KCNIP3: variants seen among roughly 807,000 people sequenced by gnomAD.
The protein encoded by KCNIP3 is potassium voltage-gated channel interacting protein 3, also known as calsenilin.
A neutral mutation model predicts 35.0 loss-of-function variants in KCNIP3; 28 were observed. The ratio of observed to expected loss-of-function variants is 0.80; its 90% CI spans 0.59 to 1.10. The LOEUF is 1.10. Among genes scored for constraint, KCNIP3 ranks in the 50% least tolerant of loss-of-function variants. The pLI is 0.00. For missense variants in KCNIP3, 295 were observed against 338.4 expected, an observed-to-expected ratio of 0.87 and a Z score of 1.01; for synonymous variants, 134 against 133.8, an observed-to-expected ratio of 1.00 and a Z score of -0.01.
chr2:95,305,296 T>G (rs1445407856), intron 1 of KCNIP3, among the ~76,000 whole-genome samples: 2 of 152,208 alleles, frequency 1.3e-5, no homozygotes, highest in East Asian at 3.8e-4. Flanking sequence ...TAACACCTTC[T>G]TTTTGGGTGC....
chr2:95,318,317 A>G (rs2104222102), intron 2 of KCNIP3, among the ~76,000 whole-genome samples: 1 of 152,308 alleles, frequency 6.6e-6, no homozygotes, highest in African/African-American at 2.4e-5. Context: ...TCGACCGCCC[A>G]GGCCCTCCCC....
chr2:95,300,510 G>A (rs1475005783), intron 1 of KCNIP3, among the ~76,000 whole-genome samples: 4 of 152,234 alleles, frequency 2.6e-5, no homozygotes, highest in Admixed American at 1.3e-4. Context: ...AAGCAGAAGA[G>A]GGGAGAGAAG....
chr2:95,371,113 T>C (rs1680032241), intron 2 of KCNIP3, among the ~76,000 whole-genome samples: 1 of 152,214 alleles, frequency 6.6e-6, no homozygotes, highest in African/African-American at 2.4e-5. Context: ...CTTTCTTCTA[T>C]TTACTTTGAA....
At chr2:95,301,959 ACAACCTCGGCTCCCCCGACAAGG>A (rs1192312009) in intron 1 of KCNIP3, among the ~76,000 whole-genome samples, 1 of 152,048 alleles carries the variant, frequency 6.6e-6, no homozygotes, top group African/African-American at 2.4e-5. Flanking sequence ...GGGACTCATG[ACAACCTCGGCTCCCCCGACAAGG>A]CGAGCTGCCT....
intron 2 of KCNIP3, among the ~76,000 whole-genome samples, chr2:95,321,241 G>A (rs1338088802): frequency 6.6e-6 from 1 of 152,208 alleles, no homozygotes; most frequent in Non-Finnish European, 1.5e-5. Context: ...AGTGTGGCCT[G>A]CAGAGCTGGT....
chr2:95,326,869 C>G (rs1302835100), intron 2 of KCNIP3, among the ~76,000 whole-genome samples: 3 of 152,246 alleles, frequency 2.0e-5, no homozygotes, highest in Non-Finnish European at 4.4e-5. Context: ...TCCCCTCGCC[C>G]TGCCCTTCCT....
At chr2:95,337,688 T>G (rs1214644264) in intron 2 of KCNIP3, among the ~76,000 whole-genome samples, 1 of 152,232 alleles carries the variant, frequency 6.6e-6, no homozygotes, top group Non-Finnish European at 1.5e-5. Flanking sequence ...CATTGAGTGA[T>G]GTTGAGGCTA....
intron 8 of KCNIP3, 137 bp downstream of exon 8, chr2:95,383,431 G>A: frequency 1.2e-6 from 1 of 860,942 alleles, no homozygotes; most frequent in Non-Finnish European, 1.8e-6. Flanking sequence ...TTGGCCCCTT[G>A]CCACCTCCTG....
At chr2:95,340,830 G>A (rs1679178794) in intron 2 of KCNIP3, among the ~76,000 whole-genome samples, 1 of 152,208 alleles carries the variant, frequency 6.6e-6, no homozygotes, top group South Asian at 2.1e-4. Flanking sequence ...CCAGGTTCTT[G>A]CTGATACCAC....
In KCNIP3 at chr2:95,383,193, T is replaced by C. The variant is rs753575469; in HGVS notation, c.661-39T>C. 2.8e-6 allele frequency: 4 copies of C among 1,446,598 alleles called. No homozygotes were observed. The South Asian group carries it at 4.5e-5, about 16-fold the overall frequency. 89.6% of individuals were successfully genotyped at this position (1,446,598 alleles called of 1,614,324 possible). On this transcript the variant is annotated intron_variant, in intron 7 of 8. Transcript: ENST00000295225. ...AGGCCAGGGGCGGGGCTGTCTCTGC[T>C]GGGGCACAGACTCACTTTGGGCATG...
chr2:95,317,868 C>T (rs1465471208), intron 2 of KCNIP3, among the ~76,000 whole-genome samples: 3 of 152,114 alleles, frequency 2.0e-5, no homozygotes, highest in Admixed American at 6.5e-5. Flanking sequence ...GGCCCTGGCC[C>T]GAGGCTGCAG....
At chr2:95,321,673 G>A (rs915462400) in intron 2 of KCNIP3, among the ~76,000 whole-genome samples, 1 of 152,212 alleles carries the variant, frequency 6.6e-6, no homozygotes, top group Non-Finnish European at 1.5e-5. Context: ...GCTCTTTAGA[G>A]AGGGTGGGAA....
intron 1 of KCNIP3, among the ~76,000 whole-genome samples, chr2:95,307,934 C>T (rs1218948376): frequency 6.6e-6 from 1 of 152,244 alleles, no homozygotes; most frequent in Non-Finnish European, 1.5e-5. Context: ...ATAAAGACTC[C>T]TGAATAAGAT....
intron 5 of KCNIP3, 48 bp downstream of exon 5, chr2:95,375,256 G>A: frequency 1.9e-6 from 3 of 1,548,390 alleles, no homozygotes; most frequent in Non-Finnish European, 2.7e-6. Context: ...TGTGGTTGCA[G>A]GAGTGAATCC....
At chr2:95,336,432 T>C (rs1374765264) in intron 2 of KCNIP3, among the ~76,000 whole-genome samples, 1 of 152,244 alleles carries the variant, frequency 6.6e-6, no homozygotes, top group Non-Finnish European at 1.5e-5. Flanking sequence ...ATCTTTTCAT[T>C]TACTTTGTCC....
At chr2:95,370,562 T>G (rs1429195110) in intron 2 of KCNIP3, among the ~76,000 whole-genome samples, 1 of 152,242 alleles carries the variant, frequency 6.6e-6, no homozygotes, top group African/African-American at 2.4e-5. Flanking sequence ...TATCTTTTTT[T>G]GTGACACGTC....
chr2:95,326,270 ACACT>A (rs1457482069), intron 2 of KCNIP3, among the ~76,000 whole-genome samples: 2 of 151,804 alleles, frequency 1.3e-5, no homozygotes, highest in Non-Finnish European at 2.9e-5. Context: ...ACTCACACAT[ACACT>A]CACTACACAT....
At chr2:95,373,421 T>G (rs1218996611) in intron 2 of KCNIP3, among the ~76,000 whole-genome samples, 1 of 134,664 alleles carries the variant, frequency 7.4e-6, no homozygotes, top group African/African-American at 2.8e-5. Context: ...GTGGTTTTTT[T>G]TTTTTTTTTT....
chr2:95,298,158 C>T (rs1052926675), intron 1 of KCNIP3, among the ~76,000 whole-genome samples: 1 of 152,206 alleles, frequency 6.6e-6, no homozygotes, highest in African/African-American at 2.4e-5. Flanking sequence ...AGCTGGCCCT[C>T]CAGCCTCTAG....
Sources: allele counts gnomAD v4.1 joint callset (sites outside exome capture counted in the v4.1 genomes callset), GRCh38; gene constraint gnomAD v4.1.1; transcripts MANE v1.5; gene names NCBI Gene and HGNC (gene_info 2026-07-23, HGNC 2026-07-21).